The following ROS1 variants were observed in gnomAD, a reference collection of about 807,000 sequenced individuals.
The protein encoded by ROS1 is ROS proto-oncogene 1, receptor tyrosine kinase.
ROS1 carries 263 observed loss-of-function variants against 273.5 expected under a neutral mutation model. That is an observed-to-expected ratio of 0.96 (90% CI 0.87 to 1.06). ROS1 has a LOEUF of 1.06. Ranked by LOEUF, ROS1 falls within the 50% of genes least tolerant of loss-of-function variation. The probability of loss-of-function intolerance (pLI) is 0.00; values close to 1 mark genes in which losing one functional copy is unlikely to be tolerated. For missense variants in ROS1, 2,833 were observed against 2,751.1 expected, an observed-to-expected ratio of 1.03 and a Z score of -0.67; for synonymous variants, 1,008 against 954.1, an observed-to-expected ratio of 1.06 and a Z score of -1.04.
In ROS1 at chr6:117,344,351, T is replaced by G. The variant is rs183162856; in HGVS notation, c.4304-89A>C. The G allele has an allele frequency of 7.6e-5, 67 of 876,690 alleles. No individual in the cohort carries two copies. In the East Asian group the frequency reaches 1.6e-3, roughly 21 times the overall value. 54.3% of individuals were successfully genotyped at this position (876,690 alleles called of 1,614,324 possible). ...TTTTAACAAGAATAATATCAAAGCT[T>G]AGAAAGAAATTTGTAGAGCATACAT... On this transcript the variant is annotated intron_variant, in intron 27 of 43. Coordinates refer to ENST00000368507, the MANE Select transcript of ROS1 (RefSeq NM_001378902.1).
Position 117,365,641 on chromosome 6 carries a change from A to T in ROS1, c.2898T>A (p.Gly966=), listed in dbSNP as rs764306575. Residue 966 remains glycine (G), a synonymous_variant, in exon 20 of 44, where the codon GGT becomes GGA. Coordinates refer to ENST00000368507, the MANE Select transcript of ROS1 (RefSeq NM_001378902.1). The stretch of plus-strand genomic sequence containing the variant: ...CTACACCCCAGTCTACCGCAGGGGG[A>T]CCATTCCACAGGATTTGAAAACTTG... ...NASSFQILWN[G]PPAVDWGVVF... 1 of 1,612,140 alleles carries T rather than the reference A, an allele frequency of 6.2e-7. No homozygotes were observed. The highest frequency in any genetic ancestry group is 8.5e-7 in the Non-Finnish European group (1 of 1,178,438).
At chr6:117,406,273 G>A (rs1048965556) in intron 5 of ROS1, among the ~76,000 whole-genome samples, 2 of 151,128 alleles carry the variant, frequency 1.3e-5, no homozygotes, top group African/African-American at 2.4e-5. Context: ...TATGTTATTA[G>A]CTATTACCAT....
chr6:117,362,500 A>T (rs1192405220), intron 22 of ROS1, 103 bp downstream of exon 22: 1 of 1,031,824 alleles, frequency 9.7e-7, no homozygotes, highest in African/African-American at 1.6e-5. Context: ...AAATCTAGGT[A>T]TGTGTGCCAT....
chr6:117,371,924 A>G (rs1317930010), intron 18 of ROS1, among the ~76,000 whole-genome samples: 1 of 152,166 alleles, frequency 6.6e-6, no homozygotes, highest in Non-Finnish European at 1.5e-5. Context: ...AGCTCCGCCC[A>G]AGGAGAGCCT....
intron 33 of ROS1, chr6:117,328,458 C>A (rs2128589909): frequency 3.0e-6 from 1 of 328,300 alleles, no homozygotes. Context: ...GCATGAAAAG[C>A]AGCAACAGAA....
At chr6:117,300,941 G>A (rs759520433) in intron 43 of ROS1, 33 bp downstream of exon 43, 27 of 1,516,708 alleles carry the variant, frequency 1.8e-5, no homozygotes, top group Middle Eastern at 3.7e-4. Flanking sequence ...ACAGTGCAGC[G>A]AAAACTAGAA....
chr6:117,313,349 G>A (rs941267039), intron 39 of ROS1, among the ~76,000 whole-genome samples: 4 of 152,096 alleles, frequency 2.6e-5, no homozygotes, highest in African/African-American at 9.7e-5. Flanking sequence ...CAGATTACTT[G>A]AGGTCATCAG....
chr6:117,326,529 C>A (rs1223757677), intron 33 of ROS1, 115 bp from the exon 34 acceptor site: 1 of 610,698 alleles, frequency 1.6e-6, no homozygotes, highest in Non-Finnish European at 2.7e-6. Flanking sequence ...CACAATTTAC[C>A]CTTGACCTCA....
chr6:117,316,581 GAGA>G (rs1296442480), intron 39 of ROS1, among the ~76,000 whole-genome samples: 2 of 152,060 alleles, frequency 1.3e-5, no homozygotes, highest in African/African-American at 4.8e-5. Flanking sequence ...GGGGATACAA[GAGA>G]AGAAGGACTG....
chr6:117,297,305 T>C (rs1774319356), intron 43 of ROS1, among the ~76,000 whole-genome samples: 1 of 152,166 alleles, frequency 6.6e-6, no homozygotes, highest in Non-Finnish European at 1.5e-5. Context: ...GATATTGATC[T>C]AGGCAAATAA....
chr6:117,293,624 C>T (rs1350155402), intron 43 of ROS1, among the ~76,000 whole-genome samples: 1 of 151,536 alleles, frequency 6.6e-6, no homozygotes, highest in African/African-American at 2.4e-5. Flanking sequence ...AATGTAGATA[C>T]AATTATAAAA....
At chr6:117,358,148 C>A in intron 24 of ROS1, 139 bp from the exon 25 acceptor site, 2 of 605,106 alleles carry the variant, frequency 3.3e-6, no homozygotes, top group Non-Finnish European at 5.8e-6. Context: ...GACGGTATAC[C>A]ATTGTAACAT....
At chr6:117,371,005 C>G (rs1780717803) in intron 18 of ROS1, among the ~76,000 whole-genome samples, 1 of 152,150 alleles carries the variant, frequency 6.6e-6, no homozygotes, top group Admixed American at 6.5e-5. Context: ...AAGCAACATC[C>G]TGTATGTTGT....
chr6:117,389,811 C>A lies in ROS1; in HGVS notation c.1325G>T (p.Arg442Ile), dbSNP rs1205023293. 6.2e-7 allele frequency: 1 copy of A among 1,610,902 alleles called. No homozygotes were observed. The highest frequency in any genetic ancestry group is 8.5e-7 in the Non-Finnish European group (1 of 1,177,312). Residue 442 changes from arginine (R) to isoleucine (I), a missense_variant, in exon 13 of 44, where the codon AGA becomes ATA. Arg to Ile is a moderately conservative substitution (Grantham distance 97). Coordinates refer to ENST00000368507, the MANE Select transcript of ROS1 (RefSeq NM_001378902.1). ...GCCAGATGGTACAGGAAGGTCTGCT[C>A]TATAAATGCCATCTCTCAGGAGGTA... Reference protein sequence around the residue: ...VFYLLRDGIYRADLPVPSGRC... With the variant: ...VFYLLRDGIYIADLPVPSGRC...
intron 43 of ROS1, among the ~76,000 whole-genome samples, chr6:117,295,247 C>G (rs527267618): frequency 3.9e-5 from 6 of 152,276 alleles, no homozygotes; most frequent in African/African-American, 1.4e-4. Flanking sequence ...AAAAGACAGT[C>G]TCTTCAATAA....
At chr6:117,416,345 G>C (rs375729318) in intron 2 of ROS1, 28 bp from the exon 3 acceptor site, 47 of 1,472,804 alleles carry the variant, frequency 3.2e-5, no homozygotes, top group Non-Finnish European at 4.2e-5. Context: ...AGACAATGGT[G>C]AGTGATTGAA....
intron 39 of ROS1, among the ~76,000 whole-genome samples, chr6:117,316,541 C>G (rs2128554825): frequency 6.6e-6 from 1 of 152,136 alleles, no homozygotes; most frequent in Non-Finnish European, 1.5e-5. Flanking sequence ...TTCCAGGGTT[C>G]ATAATGTGCT....
Position 117,288,330 on chromosome 6 carries a change from G to T in ROS1, c.*162C>A. ...AGCTGGTATGGGGATTGCTACAACT[G>T]AAACCAAATGGCTCTCAGAACCAAG... is the stretch of plus-strand genomic sequence containing the variant. On this transcript the variant is annotated 3_prime_UTR_variant, in exon 44 of 44. Transcript: ENST00000368507. The T allele has an allele frequency of 1.5e-6, 1 of 669,272 alleles. No homozygotes were observed. Among genetic ancestry groups the T allele is most frequent in the Non-Finnish European group, 2.5e-6 (1 of 401,424 alleles). The allele number at this position is 669,272 out of a possible 1,614,324, so 41.5% of individuals were successfully genotyped here. A position where few individuals can be genotyped will look rare whatever the true frequency, so the allele number is the denominator to read the frequency against.
chr6:117,381,761 C>T (rs553069922), intron 17 of ROS1, among the ~76,000 whole-genome samples: 1 of 152,104 alleles, frequency 6.6e-6, no homozygotes, highest in Non-Finnish European at 1.5e-5. Flanking sequence ...GGGAGATACC[C>T]AGTAGTGGGA....
Sources: allele counts gnomAD v4.1 joint callset (sites outside exome capture counted in the v4.1 genomes callset), GRCh38; gene constraint gnomAD v4.1.1; transcripts MANE v1.5; gene names NCBI Gene and HGNC (gene_info 2026-07-23, HGNC 2026-07-21).